The following PRDM10 variants were observed in gnomAD, a reference collection of about 807,000 sequenced individuals.
The protein encoded by PRDM10 is PR domain zinc finger protein 10.
In PRDM10, 65 loss-of-function variants were observed where a neutral mutation model predicts 133.1. That is an observed-to-expected ratio of 0.49 (90% CI 0.40 to 0.60). PRDM10 has a LOEUF of 0.60. PRDM10 is among the 20% of genes least tolerant of loss of function. The probability of loss-of-function intolerance (pLI) is 0.00; values close to 1 mark genes in which losing one functional copy is unlikely to be tolerated. For missense variants in PRDM10, 1,137 were observed against 1,507.1 expected (o/e 0.75, Z 4.07); for synonymous variants, 582 against 580.4 (o/e 1.00, Z -0.04).
At chr11:129,967,804 G>A (rs981712820) in intron 1 of PRDM10, among the ~76,000 whole-genome samples, 17 of 152,138 alleles carry the variant, frequency 1.1e-4, no homozygotes, top group Non-Finnish European at 2.4e-4. Context: ...CTAGTTCAGC[G>A]ATAAGGCTGG....
rs942192305 is a variant in PRDM10 at position 129,914,956 on chromosome 11, T to C, written c.2589A>G (p.Ile863Met). The change falls in exon 17 of 21, where the codon ATA becomes ATG. Residue 863 changes from isoleucine to methionine, a missense_variant. Coordinates refer to ENST00000360871, the MANE Select transcript of PRDM10 (RefSeq NM_199437.2). ...TCACAGCTGTCGTCAGTGGTGTGTG[T>C]ATGGTGTTGGAGAGCTGGGCGAACT... ...HPEFAQLSNTIHTPLTTAVIS... is the reference protein window; with the variant it reads ...HPEFAQLSNTMHTPLTTAVIS... 6 of 1,613,878 alleles carry C rather than the reference T, an allele frequency of 3.7e-6. No individual in the cohort carries two copies. Among genetic ancestry groups the C allele is most frequent in the African/African-American group, 1.3e-5 (1 of 74,860 alleles).
chr11:129,928,084 T>C (rs1476237237), intron 11 of PRDM10, among the ~76,000 whole-genome samples: 2 of 152,208 alleles, frequency 1.3e-5, no homozygotes, highest in Non-Finnish European at 2.9e-5. Context: ...ACAGAGATCA[T>C]AAAATGTTTC....
chr11:129,971,368 C>A (rs1325166413), intron 1 of PRDM10, among the ~76,000 whole-genome samples: 1 of 152,090 alleles, frequency 6.6e-6, no homozygotes, highest in Non-Finnish European at 1.5e-5. Flanking sequence ...CTGATTGGTG[C>A]ATTTACAATC....
chr11:129,902,633 G>C, intron 20 of PRDM10, 117 bp from the exon 21 acceptor site: 2 of 1,427,396 alleles, frequency 1.4e-6, no homozygotes, highest in Non-Finnish European at 1.9e-6. Flanking sequence ...AGGCATCTAT[G>C]AGAGATGCTT....
Position 129,906,356 on chromosome 11 carries a change from C to T in PRDM10, c.3164-615G>A, listed in dbSNP as rs1450721714. Among the ~76,000 whole-genome samples the T allele has an allele frequency of 4.6e-5, 7 of 152,096 alleles. No individual in the cohort carries two copies. The South Asian group carries it at 8.3e-4, about 18-fold the overall frequency. ...AGGCTATCGAGGCATGTGAGAATAA[C>T]GCAGGAGCCAGTTAGAAGAGGCTCC... On this transcript the variant is annotated intron_variant, in intron 19 of 20. Coordinates refer to ENST00000360871, the MANE Select transcript of PRDM10 (RefSeq NM_199437.2).
At position 129,923,728 on chromosome 11, in the gene PRDM10, C is replaced by G. The variant is rs1442994450; in HGVS notation, c.1879-325G>C. Among the ~76,000 whole-genome samples, 1 of 143,178 alleles carries G rather than the reference C, an allele frequency of 7.0e-6. No individual in the cohort carries two copies. Among genetic ancestry groups the G allele is most frequent in the Non-Finnish European group, 1.5e-5 (1 of 67,078 alleles). 93.9% of individuals were successfully genotyped at this position (143,178 alleles called of 152,430 possible). ...TGGTCAAAGCCCTGATCACTTGAAG[C>G]CCATTTTTTAAAGATAAAAAGCAAA... On this transcript the variant is annotated intron_variant, in intron 12 of 20. Coordinates refer to ENST00000360871, the MANE Select transcript of PRDM10 (RefSeq NM_199437.2). The surrounding 1 kb of genome is among the most constrained non-coding windows in gnomAD (Gnocchi z 4.4).
At chr11:129,970,037 A>T (rs1951985072) in intron 1 of PRDM10, among the ~76,000 whole-genome samples, 2 of 152,242 alleles carry the variant, frequency 1.3e-5, no homozygotes, top group African/African-American at 4.8e-5. Flanking sequence ...GGCATAGAAT[A>T]ACGGAACTAA....
At chr11:129,936,652 C>CA (rs34125921) in intron 8 of PRDM10, among the ~76,000 whole-genome samples, 13,630 of 142,310 alleles carry the variant, frequency 0.096, 1,224 homozygotes, top group East Asian at 0.38. Flanking sequence ...GACTCCATTT[C>CA]AAAAAAAAAA....
intron 9 of PRDM10, among the ~76,000 whole-genome samples, chr11:129,934,623 G>C (rs1238486606): frequency 6.6e-6 from 1 of 151,924 alleles, no homozygotes; most frequent in Non-Finnish European, 1.5e-5. Flanking sequence ...ATCACACTTG[G>C]AATAAAATCT....
chr11:129,913,040 A>G (rs1950238965), intron 17 of PRDM10, among the ~76,000 whole-genome samples: 1 of 141,842 alleles, frequency 7.1e-6, no homozygotes, highest in Non-Finnish European at 1.5e-5. Flanking sequence ...AGCCCGGGCA[A>G]CAGAGCGAGA....
chr11:129,914,290 A>G (rs1388523887), intron 17 of PRDM10, among the ~76,000 whole-genome samples: 1 of 152,266 alleles, frequency 6.6e-6, no homozygotes, highest in Non-Finnish European at 1.5e-5. Flanking sequence ...GGCATGAGCC[A>G]CTGCGCCCAG....
At chr11:129,916,584 GA>G (rs772088500) in intron 15 of PRDM10, among the ~76,000 whole-genome samples, 26 of 152,350 alleles carry the variant, frequency 1.7e-4, no homozygotes, top group Admixed American at 2.6e-4. Context: ...GCAGTGAGCT[GA>G]GATCATGCCA....
chr11:129,955,035 T>A (rs894700744), intron 4 of PRDM10, among the ~76,000 whole-genome samples: 1 of 152,082 alleles, frequency 6.6e-6, no homozygotes, highest in Non-Finnish European at 1.5e-5. Flanking sequence ...GTAGGATATA[T>A]CAGAAATGAA....
chr11:129,912,007 G>C, intron 18 of PRDM10, 78 bp downstream of exon 18: 2 of 1,433,806 alleles, frequency 1.4e-6, no homozygotes, highest in Middle Eastern at 2.4e-4. Flanking sequence ...GGTCTGAAGA[G>C]AATGTCTTCC....
chr11:129,981,662 G>A (rs1016334779), intron 1 of PRDM10, among the ~76,000 whole-genome samples: 3 of 152,022 alleles, frequency 2.0e-5, no homozygotes, highest in Admixed American at 1.3e-4. Context: ...TTGGGAGGCC[G>A]AGGTGGGTAG....
intron 9 of PRDM10, among the ~76,000 whole-genome samples, chr11:129,933,026 C>T (rs1226682339): frequency 6.6e-6 from 1 of 152,254 alleles, no homozygotes; most frequent in East Asian, 1.9e-4. Flanking sequence ...TCCCAAAGTG[C>T]GGGGATTACA....
At position 129,902,382 on chromosome 11, in the gene PRDM10, G is replaced by A. The variant is rs753631822; in HGVS notation, c.3402C>T (p.Thr1134=). 2.5e-6 allele frequency: 4 copies of A among 1,614,112 alleles called. No homozygotes were observed. In the Admixed American group the frequency reaches 6.7e-5, roughly 27 times the overall value. Residue 1134 remains threonine, a synonymous_variant, in exon 21 of 21, where the codon ACC becomes ACT. Coordinates refer to ENST00000360871, the MANE Select transcript of PRDM10 (RefSeq NM_199437.2). ...LDPQTNSQQQ[T]TQYIITTTTN... is the part of the protein sequence containing the mutation. Reference sequence around the variant, plus strand: ...TGGTGGTGGTGATGATGTACTGTGTGGTCTGCTGTTGGCTGTTGGTCTGGG... The same window carrying A: ...TGGTGGTGGTGATGATGTACTGTGTAGTCTGCTGTTGGCTGTTGGTCTGGG...
rs1326262191 is a variant in PRDM10, at chr11:129,947,434, C to A, written c.295-64G>T. ...ACACCTGCTTTTGGTTCGCTGGTGC[C>A]TGCTGGCACAAACAGGGCGCAAGGG... On this transcript the variant is annotated intron_variant, in intron 4 of 20. Coordinates refer to ENST00000360871, the MANE Select transcript of PRDM10 (RefSeq NM_199437.2). The surrounding 1 kb of genome is among the most constrained non-coding windows in gnomAD (Gnocchi z 4.6). 9 of 1,602,946 alleles carry A rather than the reference C, an allele frequency of 5.6e-6. 1 individual carries two copies. The Admixed American group carries it at 1.5e-4, about 27-fold the overall frequency.
Position 129,923,693 on chromosome 11 carries a change from A to AGAGAGAGAGAGC in PRDM10, c.1879-291_1879-290insGCTCTCTCTCTC, listed in dbSNP as rs1491447398. On this transcript the variant is annotated intron_variant, in intron 12 of 20. Coordinates refer to ENST00000360871, the MANE Select transcript of PRDM10 (RefSeq NM_199437.2). This position sits in a 1 kb window ranked among gnomAD's most constrained non-coding sequence, Gnocchi z 4.4. The stretch of plus-strand genomic sequence containing the variant: ...GAGAGAGAGAGAGAGAGAGAGAGAG[A>AGAGAGAGAGAGC]GTGCTTGCTTGGTCAAAGCCCTGAT... Among the ~76,000 whole-genome samples the AGAGAGAGAGAGC allele has an allele frequency of 1.6e-4, 22 of 135,670 alleles. No homozygotes were observed. Among genetic ancestry groups the AGAGAGAGAGAGC allele is most frequent in the African/African-American group, 5.4e-4 (19 of 35,510 alleles). The allele number at this position is 135,670 out of a possible 152,430, so 89.0% of individuals were successfully genotyped here.
Sources: allele counts gnomAD v4.1 joint callset (sites outside exome capture counted in the v4.1 genomes callset), GRCh38; gene constraint gnomAD v4.1.1; non-coding constraint Gnocchi (gnomAD v3.1); transcripts MANE v1.5; gene names NCBI Gene and HGNC (gene_info 2026-07-23, HGNC 2026-07-21).